GPR149: variants seen among roughly 807,000 people sequenced by gnomAD.
GPR149 encodes G protein-coupled receptor 149.
A neutral mutation model predicts 50.2 loss-of-function variants in GPR149; 50 were observed. The observed-to-expected ratio is 1.00, with a 90% CI of 0.79 to 1.26. The LOEUF is 1.26. GPR149 is among the 50% of genes most tolerant of loss of function. GPR149 has a pLI of 0.00. For synonymous variants in GPR149, 405 were observed against 358.2 expected (o/e 1.13, Z -1.48); for missense variants, 983 against 895.4 (o/e 1.10, Z -1.25).
intron 3 of GPR149, among the ~76,000 whole-genome samples, chr3:154,374,142 T>TTTTCTTTC (rs3069043): frequency 9.5e-5 from 13 of 137,048 alleles, no homozygotes; most frequent in African/African-American, 3.6e-4. Flanking sequence ...TTTCCTTCTA[T>TTTTCTTTC]TTTCTTTCTT....
At chr3:154,366,498 G>A (rs1232386041) in intron 3 of GPR149, among the ~76,000 whole-genome samples, 1 of 152,138 alleles carries the variant, frequency 6.6e-6, no homozygotes, top group Admixed American at 6.5e-5. Context: ...GATTAACTAA[G>A]AGTCTAACAC....
chr3:154,403,413 C>T lies in GPR149; in HGVS notation c.1623+17626G>A, dbSNP rs193224819. 4.6e-5 allele frequency among the ~76,000 whole-genome samples: 7 copies of T among 152,228 alleles called. No individual in the cohort carries two copies. In the East Asian group the frequency reaches 7.7e-4, roughly 17 times the overall value. The stretch of plus-strand genomic sequence containing the variant: ...GGCAAAAAGGGCTTGAGGGTGTCAG[C>T]GCTTTTTATGCTACATTTCTGTCAT... On this transcript the variant is annotated intron_variant, in intron 3 of 3. Transcript: ENST00000389740.
At chr3:154,378,396 T>C (rs75023557) in intron 3 of GPR149, among the ~76,000 whole-genome samples, 14,012 of 152,170 alleles carry the variant, frequency 0.092, 755 homozygotes, top group East Asian at 0.23. Flanking sequence ...ACCGGAACTA[T>C]ATAACACATT....
In GPR149 at chr3:154,427,599, G is replaced by A. The variant is rs1449023418; in HGVS notation, c.1091C>T (p.Ser364Phe). Reference protein sequence around the residue: ...ATTVTPVFVLSKRWTHLPCGC... With the variant: ...ATTVTPVFVLFKRWTHLPCGC... ...ACAGGGCAAGTGGGTCCAGCGTTTG[G>A]ACAAGACAAACACTGGGGTTACAGT... Residue 364 changes from serine to phenylalanine, a missense_variant, in exon 2 of 4, where the codon TCC becomes TTC. Coordinates refer to ENST00000389740, the MANE Select transcript of GPR149 (RefSeq NM_001038705.3). 1.9e-6 allele frequency: 3 copies of A among 1,614,170 alleles called. No individual in the cohort carries two copies. Among genetic ancestry groups the A allele is most frequent in the Admixed American group, 3.3e-5 (2 of 60,026 alleles).
chr3:154,365,390 C>T (rs1714505656), intron 3 of GPR149, among the ~76,000 whole-genome samples: 1 of 152,092 alleles, frequency 6.6e-6, no homozygotes, highest in Non-Finnish European at 1.5e-5. Flanking sequence ...GTTATTCTTC[C>T]ATTGTTTTGA....
chr3:154,421,232 T>C lies in GPR149; in HGVS notation c.1430A>G (p.Asp477Gly). 6.2e-7 allele frequency: 1 copy of C among 1,613,592 alleles called. No individual in the cohort carries two copies. The highest frequency in any genetic ancestry group is 8.5e-7 in the Non-Finnish European group (1 of 1,179,638). Residue 477 changes from aspartate to glycine, a missense_variant, in exon 3 of 4, where the codon GAT becomes GGT. By Grantham distance (94) the Asp-to-Gly change is moderately conservative (BLOSUM62 -1). Transcript: ENST00000389740. ...QRGINKCTNT[D>G]ITEAKQDSNN... is the part of the protein sequence containing the mutation. ...GGAATCCTGTTTAGCTTCTGTAATA[T>C]CAGTATTTGTGCATTTGTTGATGCC...
In GPR149 at chr3:154,414,478, G is replaced by T. The variant is rs1265365173; in HGVS notation, c.1623+6561C>A. Among the ~76,000 whole-genome samples, 4 of 151,942 alleles carry T rather than the reference G, an allele frequency of 2.6e-5. No homozygotes were observed. In the East Asian group the frequency reaches 7.7e-4, roughly 29 times the overall value. On this transcript the variant is annotated intron_variant, in intron 3 of 3. Transcript: ENST00000389740. ...ATTGTTGCAGGTAAGATTCATCAGT[G>T]CATGCTAAAGTTAGTTGGCAAGTTG...
chr3:154,411,513 A>G (rs1354852646), intron 3 of GPR149, among the ~76,000 whole-genome samples: 1 of 152,152 alleles, frequency 6.6e-6, no homozygotes, highest in Admixed American at 6.6e-5. Flanking sequence ...ATGAAATGGG[A>G]AATATTACAG....
chr3:154,352,661 C>CCACT, intron 3 of GPR149: 1 of 779,332 alleles, frequency 1.3e-6, no homozygotes, highest in East Asian at 2.4e-5. Context: ...GCCAATGCAT[C>CCACT]CACTGCCCCT....
intron 3 of GPR149, among the ~76,000 whole-genome samples, chr3:154,399,536 G>A (rs934166962): frequency 6.6e-6 from 1 of 152,022 alleles, no homozygotes; most frequent in African/African-American, 2.4e-5. Context: ...TAATCACTCT[G>A]TATCCTACTT....
chr3:154,360,249 C>T (rs1714347655), intron 3 of GPR149, among the ~76,000 whole-genome samples: 1 of 152,036 alleles, frequency 6.6e-6, no homozygotes, highest in Non-Finnish European at 1.5e-5. Context: ...TCTGTATGGC[C>T]CAAGCTATTT....
chr3:154,380,308 C>T (rs1576914466), intron 3 of GPR149, among the ~76,000 whole-genome samples: 1 of 152,028 alleles, frequency 6.6e-6, no homozygotes, highest in East Asian at 1.9e-4. Context: ...TAACTGCATG[C>T]ATTGTATCGC....
intron 3 of GPR149, among the ~76,000 whole-genome samples, chr3:154,397,188 G>A (rs1023830041): frequency 6.6e-6 from 1 of 152,066 alleles, no homozygotes; most frequent in Non-Finnish European, 1.5e-5. Context: ...CAACTCTCAG[G>A]TGAGGTGTCT....
At chr3:154,391,027 T>G (rs1715158084) in intron 3 of GPR149, among the ~76,000 whole-genome samples, 1 of 151,056 alleles carries the variant, frequency 6.6e-6, no homozygotes, top group African/African-American at 2.4e-5. Context: ...TCTGAGGGAG[T>G]TCATCATTAC....
rs745700197 is a variant in GPR149 at position 154,428,747 on chromosome 3, C to A, written c.869G>T (p.Arg290Leu). ...PAAAGAEACR[R>L]ENRGTLYGTR... ...GCCATAGAGAGTCCCCCGGTTCTCACGCCTGCAGGCTTCAGCCCCAGCGGC... is the reference window on the plus strand; with the variant it reads ...GCCATAGAGAGTCCCCCGGTTCTCAAGCCTGCAGGCTTCAGCCCCAGCGGC... The change falls in exon 1 of 4, where the codon CGT becomes CTT. Residue 290 changes from arginine to leucine, a missense_variant. By Grantham distance (102) the Arg-to-Leu change is moderately radical. Coordinates refer to ENST00000389740, the MANE Select transcript of GPR149 (RefSeq NM_001038705.3). 1 of 1,614,124 alleles carries A rather than the reference C, an allele frequency of 6.2e-7. No homozygotes were observed. Among genetic ancestry groups the A allele is most frequent in the Non-Finnish European group, 8.5e-7 (1 of 1,180,030 alleles).
At chr3:154,345,974 G>A (rs1174410978) in intron 3 of GPR149, among the ~76,000 whole-genome samples, 3 of 152,170 alleles carry the variant, frequency 2.0e-5, no homozygotes, top group Non-Finnish European at 2.9e-5. Context: ...TCTCAGTTAA[G>A]TGCTCTTTCT....
intron 3 of GPR149, among the ~76,000 whole-genome samples, chr3:154,389,298 C>A (rs1316643872): frequency 6.6e-6 from 1 of 152,070 alleles, no homozygotes; most frequent in East Asian, 1.9e-4. Context: ...CATCCTGGAG[C>A]AAGTGTAAAA....
chr3:154,394,840 A>G (rs556816797), intron 3 of GPR149, among the ~76,000 whole-genome samples: 1 of 152,322 alleles, frequency 6.6e-6, no homozygotes, highest in Non-Finnish European at 1.5e-5. Flanking sequence ...ACTAGTCATC[A>G]GAAAAATGCA....
chr3:154,349,789 T>C (rs1168492945), intron 3 of GPR149, among the ~76,000 whole-genome samples: 1 of 152,086 alleles, frequency 6.6e-6, no homozygotes, highest in Admixed American at 6.5e-5. Context: ...TACAAAAAAA[T>C]AAAACTATAG....
Sources: allele counts gnomAD v4.1 joint callset (sites outside exome capture counted in the v4.1 genomes callset), GRCh38; gene constraint gnomAD v4.1.1; transcripts MANE v1.5; gene names NCBI Gene and HGNC (gene_info 2026-07-23, HGNC 2026-07-21).